SCEL: variants seen among roughly 807,000 people sequenced by gnomAD.
The protein encoded by SCEL is sciellin.
SCEL carries 113 observed loss-of-function variants against 117.6 expected under a neutral mutation model. The observed-to-expected ratio is 0.96, with a 90% CI of 0.83 to 1.12. The LOEUF (loss-of-function observed/expected upper bound fraction) is 1.12. Ranked by LOEUF, SCEL falls within the 50% of genes most tolerant of loss-of-function variation. The probability of loss-of-function intolerance (pLI) is 0.00; values close to 1 mark genes in which losing one functional copy is unlikely to be tolerated. For missense variants in SCEL, 785 were observed against 810.8 expected (o/e 0.97, Z 0.39); for synonymous variants, 270 against 256.2 (o/e 1.05, Z -0.51).
At position 77,555,925 on chromosome 13, in the gene SCEL, T is replaced by C; in HGVS notation, c.43+7T>C. 1 of 1,611,726 alleles carries C rather than the reference T, an allele frequency of 6.2e-7. No homozygotes were observed. The stretch of plus-strand genomic sequence containing the variant: ...ATGTCTCCCACAGGAAATGGTAATG[T>C]ACATGATGTTTCTCTCACTCAGAAA... On this transcript the variant is annotated splice_region_variant and intron_variant, in intron 2 of 32. Transcript: ENST00000349847.
intron 31 of SCEL, 70 bp downstream of exon 31, chr13:77,640,854 A>G: frequency 2.6e-6 from 2 of 774,738 alleles, no homozygotes; most frequent in South Asian, 3.8e-5. Context: ...TAATAATTTA[A>G]TGTAATACAT....
chr13:77,641,845 T>C (rs1236092763), intron 31 of SCEL, among the ~76,000 whole-genome samples: 1 of 152,278 alleles, frequency 6.6e-6, no homozygotes, highest in South Asian at 2.1e-4. Context: ...TAGTAACTCA[T>C]TTTGAGCAAA....
chr13:77,603,246 A>G, intron 18 of SCEL, 111 bp downstream of exon 18: 1 of 554,512 alleles, frequency 1.8e-6, no homozygotes, highest in Non-Finnish European at 3.1e-6. Flanking sequence ...GGAATTAGAC[A>G]ATAAAGATAG....
intron 3 of SCEL, among the ~76,000 whole-genome samples, chr13:77,558,847 A>C (rs1198169762): frequency 6.8e-6 from 1 of 147,732 alleles, no homozygotes; most frequent in Admixed American, 6.7e-5. Context: ...AAAAGGTACC[A>C]GAGTGTTAAG....
chr13:77,566,314 A>G (rs2085285284), intron 5 of SCEL, among the ~76,000 whole-genome samples: 1 of 152,222 alleles, frequency 6.6e-6, no homozygotes, highest in Non-Finnish European at 1.5e-5. Flanking sequence ...TTATTTATCT[A>G]TAAAATGAAA....
intron 31 of SCEL, among the ~76,000 whole-genome samples, chr13:77,642,253 A>T (rs931163683): frequency 6.6e-6 from 1 of 152,170 alleles, no homozygotes; most frequent in Non-Finnish European, 1.5e-5. Flanking sequence ...TACTTCAGTA[A>T]ATTTGCTTCT....
intron 27 of SCEL, among the ~76,000 whole-genome samples, chr13:77,619,103 T>C (rs1186146619): frequency 6.6e-6 from 1 of 152,172 alleles, no homozygotes; most frequent in Non-Finnish European, 1.5e-5. Flanking sequence ...TTGCTGGAAA[T>C]AGTAGTCCAG....
In SCEL at chr13:77,642,238, C is replaced by G. The variant is rs527776957; in HGVS notation, c.1948-468C>G. Among the ~76,000 whole-genome samples, 9 of 152,258 alleles carry G rather than the reference C, an allele frequency of 5.9e-5. 1 individual carries two copies. Among genetic ancestry groups the G allele is most frequent in the African/African-American group, 2.2e-4 (9 of 41,558 alleles). ...TTAGACACAACCAATTAATCAATGA[C>G]AGTTTACTTCAGTAAATTTGCTTCT... On this transcript the variant is annotated intron_variant, in intron 31 of 32. Transcript: ENST00000349847.
rs559602709 is a variant in SCEL at position 77,637,861 on chromosome 13, G to T, written c.1838+667G>T. Among the ~76,000 whole-genome samples the T allele has an allele frequency of 4.3e-4, 66 of 152,286 alleles. 1 individual carries two copies. The highest frequency in any genetic ancestry group is 1.3e-3 in the African/African-American group (55 of 41,552). ...GTATTGATTGAGTGCTGGTGAGCTG[G>T]CCCTGTTCCAGGTTTTTGCTGTTAG... On this transcript the variant is annotated intron_variant, in intron 30 of 32. Coordinates refer to ENST00000349847, the MANE Select transcript of SCEL (RefSeq NM_144777.3).
In SCEL at chr13:77,554,587, A is replaced by G. The variant is rs1234924299; in HGVS notation, c.-19-1270A>G. Among the ~76,000 whole-genome samples the G allele has an allele frequency of 2.0e-5, 3 of 152,224 alleles. No homozygotes were observed. In the East Asian group the frequency reaches 5.8e-4, roughly 29 times the overall value. On this transcript the variant is annotated intron_variant, in intron 1 of 32. Coordinates refer to ENST00000349847, the MANE Select transcript of SCEL (RefSeq NM_144777.3). ...GCTTTTAGAACCCCAAATTATAGCT[A>G]TAGACAGCTGTCCAATAATACTGCC...
At chr13:77,602,151 G>A (rs1377667622) in intron 16 of SCEL, 27 bp downstream of exon 16, 7 of 1,586,574 alleles carry the variant, frequency 4.4e-6, no homozygotes, top group Non-Finnish European at 6.0e-6. Flanking sequence ...CCTTGATGGA[G>A]CTCTTTTTAT....
intron 13 of SCEL, among the ~76,000 whole-genome samples, chr13:77,599,069 T>C (rs1370490390): frequency 9.9e-5 from 15 of 152,208 alleles, no homozygotes; most frequent in Non-Finnish European, 2.9e-5. Context: ...AGGGTAGAAA[T>C]GCTCCATGAA....
chr13:77,637,309 CATATATATAAAT>C (rs1567449409), intron 30 of SCEL, 115 bp downstream of exon 30: 26 of 94,554 alleles, frequency 2.7e-4, no homozygotes, highest in Middle Eastern at 4.0e-3. Flanking sequence ...AATATATATA[CATATATATAAAT>C]ATATATACAT....
chr13:77,603,230 T>C, intron 18 of SCEL, 95 bp downstream of exon 18: 1 of 666,878 alleles, frequency 1.5e-6, no homozygotes, highest in Non-Finnish European at 2.5e-6. Flanking sequence ...CGTGTTTTAT[T>C]AGCATGGAAT....
At chr13:77,585,399 G>T (rs2086504312) in intron 9 of SCEL, among the ~76,000 whole-genome samples, 1 of 152,150 alleles carries the variant, frequency 6.6e-6, no homozygotes, top group Admixed American at 6.5e-5. Flanking sequence ...AGCGGGGAGA[G>T]AATATGGTGG....
intron 15 of SCEL, 136 bp from the exon 16 acceptor site, chr13:77,601,929 C>T (rs2087732149): frequency 1.8e-6 from 1 of 550,248 alleles, no homozygotes; most frequent in East Asian, 3.3e-5. Context: ...GACTTCTGAT[C>T]CTTTAGGCAC....
intron 15 of SCEL, among the ~76,000 whole-genome samples, chr13:77,600,914 T>C (rs1224850071): frequency 3.9e-5 from 6 of 152,354 alleles, no homozygotes; most frequent in African/African-American, 1.4e-4. Flanking sequence ...AGAATGGCAT[T>C]CTAGCTTTCC....
intron 10 of SCEL, among the ~76,000 whole-genome samples, chr13:77,590,182 A>G (rs2086791073): frequency 6.6e-6 from 1 of 152,104 alleles, no homozygotes; most frequent in African/African-American, 2.4e-5. Flanking sequence ...TAAGAGAGTA[A>G]CTTCAGTTAC....
intron 11 of SCEL, among the ~76,000 whole-genome samples, chr13:77,593,197 A>G (rs117305732): frequency 6.6e-6 from 1 of 152,002 alleles, no homozygotes; most frequent in East Asian, 1.9e-4. Flanking sequence ...TCAGGAGAAA[A>G]TGTAGTTATT....
Sources: gnomAD v4.1 joint callset for allele counts (sites outside exome capture counted in the v4.1 genomes callset) on GRCh38, gnomAD v4.1.1 for gene constraint, MANE v1.5 for transcripts, NCBI Gene and HGNC (gene_info 2026-07-23, HGNC 2026-07-21) for gene names.